The following COL22A1 variants were observed in gnomAD, a reference collection of about 807,000 sequenced individuals.
COL22A1 encodes the protein collagen alpha-1(XXII) chain.
In COL22A1, 221 loss-of-function variants were observed where a neutral mutation model predicts 248.9. The observed-to-expected ratio is 0.89, with a 90% CI of 0.80 to 0.99. The LOEUF (loss-of-function observed/expected upper bound fraction) is 0.99. Among genes scored for constraint, COL22A1 ranks in the 50% least tolerant of loss-of-function variants. The probability of loss-of-function intolerance (pLI) is 0.00; values close to 1 mark genes in which losing one functional copy is unlikely to be tolerated. For synonymous variants in COL22A1, 891 were observed against 793.4 expected (o/e 1.12, Z -2.07); for missense variants, 2,240 against 2,179.0 (o/e 1.03, Z -0.56).
intron 6 of COL22A1, among the ~76,000 whole-genome samples, chr8:138,824,642 C>A (rs1819433652): frequency 6.6e-6 from 1 of 152,188 alleles, no homozygotes; most frequent in Non-Finnish European, 1.5e-5. Flanking sequence ...TGAAAGCATG[C>A]ACATATATAT....
chr8:138,805,856 G>C (rs1196831305), intron 10 of COL22A1, among the ~76,000 whole-genome samples: 1 of 150,010 alleles, frequency 6.7e-6, no homozygotes. Context: ...ATGTGTGATG[G>C]TGTGTGTGAG....
chr8:138,811,682 C>G, intron 9 of COL22A1, 117 bp downstream of exon 9: 1 of 1,211,750 alleles, frequency 8.3e-7, no homozygotes, highest in Non-Finnish European at 1.2e-6. Flanking sequence ...GTGCTGTCAG[C>G]TGACAGCCAT....
At chr8:138,882,768 G>T (rs947542498) in intron 2 of COL22A1, among the ~76,000 whole-genome samples, 3 of 143,222 alleles carry the variant, frequency 2.1e-5, no homozygotes, top group Non-Finnish European at 4.6e-5. Flanking sequence ...TCACTCCCTC[G>T]CACACTTCAA....
At chr8:138,777,902 C>A (rs746173288) in intron 15 of COL22A1, 4 of 194,626 alleles carry the variant, frequency 2.1e-5, no homozygotes, top group Non-Finnish European at 4.3e-5. Context: ...TCCTCATACA[C>A]CATATCTGTT....
chr8:138,840,641 G>T (rs1229740608), intron 4 of COL22A1, among the ~76,000 whole-genome samples: 2 of 152,060 alleles, frequency 1.3e-5, no homozygotes, highest in Non-Finnish European at 1.5e-5. Flanking sequence ...AGGCTGGAGT[G>T]CAGTGGCGTG....
intron 1 of COL22A1, among the ~76,000 whole-genome samples, chr8:138,901,465 C>G (rs1308323326): frequency 6.6e-6 from 1 of 150,764 alleles, no homozygotes; most frequent in Non-Finnish European, 1.5e-5. Context: ...CTCCCAGGCT[C>G]TGGTGATCCT....
At chr8:138,638,774 G>A (rs1821417192) in intron 47 of COL22A1, among the ~76,000 whole-genome samples, 1 of 152,198 alleles carries the variant, frequency 6.6e-6, no homozygotes, top group African/African-American at 2.4e-5. Flanking sequence ...ACACAGATTA[G>A]CCCACTGCTT....
chr8:138,808,244 G>A (rs1240278382), intron 9 of COL22A1, among the ~76,000 whole-genome samples: 2 of 152,180 alleles, frequency 1.3e-5, no homozygotes, highest in Non-Finnish European at 2.9e-5. Flanking sequence ...AAGTATTTGA[G>A]AGGATGGATA....
At chr8:138,624,085 T>A (rs1820054428) in intron 51 of COL22A1, among the ~76,000 whole-genome samples, 1 of 152,182 alleles carries the variant, frequency 6.6e-6, no homozygotes, top group South Asian at 2.1e-4. Context: ...CTGGGCATTT[T>A]CGTGAAGTCA....
At chr8:138,625,868 GTGTTT>G (rs1020695587) in intron 51 of COL22A1, among the ~76,000 whole-genome samples, 15 of 152,258 alleles carry the variant, frequency 9.9e-5, no homozygotes, top group South Asian at 2.1e-4. Context: ...ATATGTGTGT[GTGTTT>G]TGTTTTAACA....
At chr8:138,591,192 G>C (rs538794502) in intron 64 of COL22A1, among the ~76,000 whole-genome samples, 1 of 151,988 alleles carries the variant, frequency 6.6e-6, no homozygotes. Flanking sequence ...TTAAACTCGC[G>C]GGATACACTT....
intron 15 of COL22A1, among the ~76,000 whole-genome samples, chr8:138,776,530 G>A (rs1200816277): frequency 3.3e-5 from 5 of 152,116 alleles, no homozygotes; most frequent in Non-Finnish European, 5.9e-5. Context: ...ACCTTGTGCT[G>A]TGGACTCCCT....
intron 3 of COL22A1, among the ~76,000 whole-genome samples, chr8:138,868,055 A>T (rs753078226): frequency 2.0e-5 from 3 of 152,066 alleles, no homozygotes; most frequent in African/African-American, 7.2e-5. Context: ...GAGCCACCGC[A>T]CCCGGCCTAT....
At chr8:138,843,379 G>A (rs1003377670) in intron 4 of COL22A1, among the ~76,000 whole-genome samples, 3 of 152,202 alleles carry the variant, frequency 2.0e-5, no homozygotes, top group African/African-American at 7.2e-5. Context: ...AGGAGGGAGA[G>A]GAGAGACACC....
At position 138,802,930 on chromosome 8, in the gene COL22A1, T is replaced by G. The variant is rs1377757539; in HGVS notation, c.1499A>C (p.Asp500Ala). 1.9e-6 allele frequency: 3 copies of G among 1,613,390 alleles called. No homozygotes were observed. The African/African-American group carries it at 4.0e-5, about 22-fold the overall frequency. The stretch of plus-strand genomic sequence containing the variant: ...GCCAACCGGCCCAATGGCTCCTATG[T>G]CTCCCTGAGGGGTTGAGACCAGAGA... ...GPMGLPGPKGDIGAIGPVGAP... is the reference protein window; with the variant it reads ...GPMGLPGPKGAIGAIGPVGAP... Residue 500 changes from aspartate (D) to alanine (A), a missense_variant, in exon 11 of 65, where the codon GAC becomes GCC. By Grantham distance (126) the Asp-to-Ala change is moderately radical (BLOSUM62 -2). Coordinates refer to ENST00000303045, the MANE Select transcript of COL22A1 (RefSeq NM_152888.3).
intron 1 of COL22A1, among the ~76,000 whole-genome samples, chr8:138,911,994 A>G (rs555322293): frequency 1.5e-4 from 23 of 152,324 alleles, no homozygotes; most frequent in African/African-American, 5.5e-4. Flanking sequence ...AAGGAAATCT[A>G]GAATGAGGTG....
At chr8:138,738,728 C>G in intron 22 of COL22A1, among the ~76,000 whole-genome samples, 1 of 152,132 alleles carries the variant, frequency 6.6e-6, no homozygotes, top group East Asian at 1.9e-4. Flanking sequence ...ATATTGCTGG[C>G]TTCTCAGGGC....
chr8:138,891,641 TGG>T (rs1172835604), intron 1 of COL22A1, among the ~76,000 whole-genome samples: 3 of 152,128 alleles, frequency 2.0e-5, no homozygotes, highest in African/African-American at 7.2e-5. Context: ...CTAGGAGTCA[TGG>T]GAAGGATTCA....
intron 7 of COL22A1, among the ~76,000 whole-genome samples, chr8:138,816,494 C>T (rs1818700553): frequency 6.6e-6 from 1 of 152,214 alleles, no homozygotes; most frequent in Non-Finnish European, 1.5e-5. Context: ...CCGTATCCCA[C>T]CCATCAGCAG....
Sources: allele counts gnomAD v4.1 joint callset (sites outside exome capture counted in the v4.1 genomes callset), GRCh38; gene constraint gnomAD v4.1.1; transcripts MANE v1.5; gene names NCBI Gene and HGNC (gene_info 2026-07-23, HGNC 2026-07-21).